The following CSMD1 variants were observed in gnomAD, a reference collection of about 807,000 sequenced individuals.
CSMD1 encodes CUB and Sushi multiple domains 1, also known as CUB and sushi domain-containing protein 1.
CSMD1 carries 213 observed loss-of-function variants against 417.5 expected under a neutral mutation model. The observed-to-expected ratio is 0.51, with a 90% CI of 0.46 to 0.57. The LOEUF (loss-of-function observed/expected upper bound fraction) is 0.57, where lower values mean the gene tolerates loss of function less well. Ranked by LOEUF, CSMD1 falls within the 20% of genes least tolerant of loss-of-function variation. CSMD1 has a pLI of 0.00. For missense variants in CSMD1, 6,923 were observed against 4,529.7 expected (o/e 1.53, Z -15.17); for synonymous variants, 2,862 against 1,736.8 (o/e 1.65, Z -16.11).
intron 5 of CSMD1, among the ~76,000 whole-genome samples, chr8:3,808,418 A>T (rs969511858): frequency 4.6e-5 from 7 of 152,164 alleles, no homozygotes; most frequent in African/African-American, 1.4e-4. Flanking sequence ...TTTACTACTC[A>T]ACCAAAACTC....
intron 3 of CSMD1, among the ~76,000 whole-genome samples, chr8:4,261,239 T>C (rs1414630594): frequency 6.6e-6 from 1 of 152,210 alleles, no homozygotes; most frequent in African/African-American, 2.4e-5. Flanking sequence ...GAATCTTGTG[T>C]AGTAGACTCA....
At chr8:4,047,019 G>T (rs746957367) in intron 3 of CSMD1, among the ~76,000 whole-genome samples, 2 of 152,182 alleles carry the variant, frequency 1.3e-5, no homozygotes, top group Admixed American at 6.5e-5. Context: ...GCCCTATAGG[G>T]TTGTGACATA....
At chr8:3,294,094 C>A (rs571388963) in intron 25 of CSMD1, among the ~76,000 whole-genome samples, 1 of 152,184 alleles carries the variant, frequency 6.6e-6, no homozygotes, top group Non-Finnish European at 1.5e-5. Context: ...AGGTGCACTC[C>A]GGACCCTGTT....
intron 5 of CSMD1, among the ~76,000 whole-genome samples, chr8:3,893,060 A>G (rs989519281): frequency 3.3e-5 from 5 of 151,960 alleles, no homozygotes; most frequent in African/African-American, 1.2e-4. Context: ...AAGTTTGACC[A>G]AGTATGCTGG....
At chr8:4,439,920 G>C (rs983323487) in intron 2 of CSMD1, among the ~76,000 whole-genome samples, 10 of 152,114 alleles carry the variant, frequency 6.6e-5, no homozygotes, top group African/African-American at 2.2e-4. Context: ...GCTTAATAAG[G>C]AGTAATAATA....
intron 2 of CSMD1, among the ~76,000 whole-genome samples, chr8:4,559,568 A>G (rs1798238714): frequency 6.6e-6 from 1 of 152,244 alleles, no homozygotes; most frequent in Non-Finnish European, 1.5e-5. Context: ...TGTGTAAGTC[A>G]TCCATAGGAA....
At chr8:4,838,573 T>G (rs765929158) in intron 1 of CSMD1, among the ~76,000 whole-genome samples, 8 of 152,218 alleles carry the variant, frequency 5.3e-5, no homozygotes, top group Non-Finnish European at 1.2e-4. Context: ...GGGTGCATGT[T>G]GAGGATATAT....
intron 1 of CSMD1, chr8:4,787,688 T>G: frequency 1.9e-6 from 3 of 1,590,190 alleles, no homozygotes; most frequent in Non-Finnish European, 2.6e-6. Context: ...CCACCTAAAG[T>G]GGAGTTGTTT....
intron 3 of CSMD1, among the ~76,000 whole-genome samples, chr8:4,354,524 ATGT>A (rs910987828): frequency 5.8e-4 from 89 of 152,276 alleles, no homozygotes; most frequent in African/African-American, 2.0e-3. Flanking sequence ...TAATCACTTG[ATGT>A]TGTGGAAAAG....
chr8:4,306,652 G>A lies in CSMD1; in HGVS notation c.415+113301C>T, dbSNP rs865805708. ...CACACATCTGGATGTATCCATTGTC[G>A]ATCACATGTAGGTGATTGTACAATT... On this transcript the variant is annotated intron_variant, in intron 3 of 69. Coordinates refer to ENST00000635120, the MANE Select transcript of CSMD1 (RefSeq NM_033225.6). Among the ~76,000 whole-genome samples, 16 of 151,994 alleles carry A rather than the reference G, an allele frequency of 1.1e-4. 1 individual carries two copies. The highest frequency in any genetic ancestry group is 6.8e-3 in the Middle Eastern group (2 of 292).
At chr8:3,211,005 C>G (rs958870286) in intron 30 of CSMD1, among the ~76,000 whole-genome samples, 2 of 152,084 alleles carry the variant, frequency 1.3e-5, no homozygotes, top group Admixed American at 6.6e-5. Context: ...AAATCATTTT[C>G]TGGGATACAA....
intron 11 of CSMD1, among the ~76,000 whole-genome samples, chr8:3,487,341 A>C (rs1379544223): frequency 6.6e-6 from 1 of 152,056 alleles, no homozygotes; most frequent in Non-Finnish European, 1.5e-5. Flanking sequence ...AGATGGGACT[A>C]CAGGCGCCCG....
At chr8:4,217,410 T>G (rs1023181942) in intron 3 of CSMD1, among the ~76,000 whole-genome samples, 5 of 152,288 alleles carry the variant, frequency 3.3e-5, no homozygotes, top group African/African-American at 1.2e-4. Context: ...TAATATAGTT[T>G]GACACATTTT....
In CSMD1 at chr8:3,754,057, G is replaced by C. The variant is rs543258309; in HGVS notation, c.819-15C>G. ...TGCCAGTTAGCCTAGAGAAGAGAAA[G>C]AGGAAAAAAATCTCCCTTGTAAACC... is the stretch of plus-strand genomic sequence containing the variant. On this transcript the variant is annotated splice_polypyrimidine_tract_variant and intron_variant, in intron 5 of 69. Transcript: ENST00000635120. 2 of 1,579,322 alleles carry C rather than the reference G, an allele frequency of 1.3e-6. No homozygotes were observed. Among genetic ancestry groups the C allele is most frequent in the Non-Finnish European group, 1.7e-6 (2 of 1,153,474 alleles).
intron 50 of CSMD1, among the ~76,000 whole-genome samples, chr8:3,041,962 G>A (rs117838367): frequency 0.01 from 1,540 of 152,208 alleles, 6 homozygotes; most frequent in Non-Finnish European, 0.017. Context: ...AGTGATTATT[G>A]GCCACCCTTC....
chr8:3,656,402 T>G (rs1243355716), intron 7 of CSMD1, among the ~76,000 whole-genome samples: 1 of 152,158 alleles, frequency 6.6e-6, no homozygotes, highest in African/African-American at 2.4e-5. Flanking sequence ...TTTTTTCCTC[T>G]CAGTGCATCA....
At chr8:3,825,404 C>T (rs184585078) in intron 5 of CSMD1, among the ~76,000 whole-genome samples, 1 of 152,204 alleles carries the variant, frequency 6.6e-6, no homozygotes, top group African/African-American at 2.4e-5. Context: ...TGGTAGGCAC[C>T]TGTAATCCCA....
At chr8:4,746,274 C>T (rs879676200) in intron 1 of CSMD1, among the ~76,000 whole-genome samples, 9 of 152,150 alleles carry the variant, frequency 5.9e-5, no homozygotes, top group African/African-American at 1.9e-4. Flanking sequence ...TTCTAGGTGA[C>T]GTACTTAGAG....
intron 7 of CSMD1, among the ~76,000 whole-genome samples, chr8:3,703,677 C>T (rs1353749175): frequency 2.0e-5 from 3 of 152,162 alleles, no homozygotes; most frequent in Non-Finnish European, 2.9e-5. Flanking sequence ...GATGAGCCTG[C>T]AGGATGTGCA....
Sources: gnomAD v4.1 joint callset for allele counts (sites outside exome capture counted in the v4.1 genomes callset) on GRCh38, gnomAD v4.1.1 for gene constraint, MANE v1.5 for transcripts, NCBI Gene and HGNC (gene_info 2026-07-23, HGNC 2026-07-21) for gene names.